DNAH14: variants seen among roughly 807,000 people sequenced by gnomAD.
The protein encoded by DNAH14 is dynein axonemal heavy chain 14.
In DNAH14, 478 loss-of-function variants were observed where a neutral mutation model predicts 520.9. The observed-to-expected ratio is 0.92, with a 90% CI of 0.85 to 0.99. DNAH14 has a LOEUF of 0.99. DNAH14 is among the 50% of genes least tolerant of loss of function. DNAH14 has a pLI of 0.00. For synonymous variants in DNAH14, 1,581 were observed against 1,757.2 expected, an observed-to-expected ratio of 0.90 and a Z score of 2.51; for missense variants, 4,831 against 5,234.5, an observed-to-expected ratio of 0.92 and a Z score of 2.38.
intron 11 of DNAH14, among the ~76,000 whole-genome samples, chr1:225,035,158 A>G (rs2066859585): frequency 1.3e-5 from 2 of 151,942 alleles, no homozygotes. Flanking sequence ...GTATGTGTCT[A>G]GCAATTGATC....
chr1:224,974,892 T>G (rs1198818706), intron 8 of DNAH14, among the ~76,000 whole-genome samples: 5 of 152,196 alleles, frequency 3.3e-5, no homozygotes, highest in African/African-American at 4.8e-5. Context: ...TATTTTGAGA[T>G]ACGTCCTATC....
At chr1:225,133,301 C>A (rs553084402) in intron 27 of DNAH14, among the ~76,000 whole-genome samples, 2 of 152,072 alleles carry the variant, frequency 1.3e-5, no homozygotes, top group African/African-American at 4.8e-5. Context: ...AGTCTTTGCC[C>A]ATGCCTATAT....
intron 31 of DNAH14, among the ~76,000 whole-genome samples, chr1:225,149,592 G>T (rs1182696679): frequency 1.3e-5 from 2 of 151,762 alleles, no homozygotes; most frequent in African/African-American, 4.8e-5. Context: ...TTTTCCATTT[G>T]ATCAGTGTTT....
chr1:225,038,615 G>A, intron 11 of DNAH14, 79 bp from the exon 12 acceptor site: 1 of 1,383,912 alleles, frequency 7.2e-7, no homozygotes, highest in Non-Finnish European at 9.6e-7. Context: ...GCTTTTTGTT[G>A]TTGAGTTGTA....
At chr1:225,360,538 C>T (rs999137229) in intron 74 of DNAH14, 143 bp from the exon 75 acceptor site, 1 of 780,244 alleles carries the variant, frequency 1.3e-6, no homozygotes, top group East Asian at 2.7e-5. Flanking sequence ...AATTTAAACT[C>T]TGGGCTCTAA....
At chr1:225,104,247 G>A (rs1325086135) in intron 23 of DNAH14, among the ~76,000 whole-genome samples, 1 of 152,156 alleles carries the variant, frequency 6.6e-6, no homozygotes, top group Non-Finnish European at 1.5e-5. Flanking sequence ...ACTTGATCAT[G>A]GTGGAGAAGC....
At chr1:225,041,206 G>A (rs2067452744) in intron 12 of DNAH14, among the ~76,000 whole-genome samples, 1 of 152,128 alleles carries the variant, frequency 6.6e-6, no homozygotes, top group South Asian at 2.1e-4. Context: ...TCTGACCTTG[G>A]TTTGCTCCTC....
intron 41 of DNAH14, among the ~76,000 whole-genome samples, chr1:225,212,814 T>A (rs1480815121): frequency 6.6e-6 from 1 of 152,230 alleles, no homozygotes; most frequent in Non-Finnish European, 1.5e-5. Flanking sequence ...ATCAGCCCTT[T>A]GTCAGAAGGG....
At position 225,381,439 on chromosome 1, in the gene DNAH14, C is replaced by T. The variant is rs374542052; in HGVS notation, c.12937C>T (p.Arg4313Ter). 2.5e-5 allele frequency: 38 copies of T among 1,550,544 alleles called. No individual in the cohort carries two copies. The highest frequency in any genetic ancestry group is 1.1e-4 in the South Asian group (9 of 83,560). The change falls in exon 81 of 86, where the codon CGA (arginine) becomes TGA (stop). Residue 4313 changes from arginine to a stop codon, truncating the protein, a stop_gained. Coordinates refer to ENST00000682510, the MANE Select transcript of DNAH14 (RefSeq NM_001367479.1). LOFTEE classifies it high-confidence loss of function. ...AACCTTTTTGAAGCAAGAAATTAAACGATTTGATAAGTTATTATTTGTCAT... is the reference window on the plus strand; with the variant it reads ...AACCTTTTTGAAGCAAGAAATTAAATGATTTGATAAGTTATTATTTGTCAT... ...LLTFLKQEIK[R>*]FDKLLFVIHK...
chr1:225,172,624 A>C (rs758335167), intron 36 of DNAH14, among the ~76,000 whole-genome samples: 1 of 152,236 alleles, frequency 6.6e-6, no homozygotes, highest in Admixed American at 6.5e-5. Context: ...GGATACAAAC[A>C]AATGGAAGAA....
intron 79 of DNAH14, among the ~76,000 whole-genome samples, chr1:225,379,112 G>C (rs888804835): frequency 2.0e-5 from 3 of 152,066 alleles, no homozygotes; most frequent in African/African-American, 7.2e-5. Context: ...CTGGACACGC[G>C]CTCCTCCTGT....
At chr1:225,122,568 T>G (rs894654157) in intron 26 of DNAH14, among the ~76,000 whole-genome samples, 3 of 152,164 alleles carry the variant, frequency 2.0e-5, no homozygotes, top group Non-Finnish European at 2.9e-5. Context: ...GTTTGAGAGA[T>G]GTATAGCAAT....
chr1:225,374,910 C>T, intron 78 of DNAH14, 25 bp downstream of exon 78: 4 of 1,497,004 alleles, frequency 2.7e-6, no homozygotes, highest in Non-Finnish European at 3.6e-6. Flanking sequence ...AATCTTCTTG[C>T]ATTTCTCGAT....
chr1:225,331,211 C>T (rs2094790615), intron 64 of DNAH14, among the ~76,000 whole-genome samples: 5 of 151,564 alleles, frequency 3.3e-5, no homozygotes, highest in African/African-American at 9.7e-5. Context: ...AAAAAAAAAG[C>T]CTATTAAAGA....
rs184985250 is a variant in DNAH14, at chr1:225,121,748, G to T, written c.4167-1779G>T. On this transcript the variant is annotated intron_variant, in intron 26 of 85. Transcript: ENST00000682510. The stretch of plus-strand genomic sequence containing the variant: ...CCCAGCTACTTGGGAGGCTGAGGCA[G>T]GAGAATCCCTTGAACCCGGGAGGCG... 4.4e-3 allele frequency among the ~76,000 whole-genome samples: 676 copies of T among 152,208 alleles called. 2 individuals are homozygous for T. The highest frequency in any genetic ancestry group is 6.8e-3 in the Non-Finnish European group (464 of 68,008).
intron 37 of DNAH14, among the ~76,000 whole-genome samples, chr1:225,188,252 G>A (rs1450256983): frequency 6.6e-6 from 1 of 151,814 alleles, no homozygotes; most frequent in Non-Finnish European, 1.5e-5. Flanking sequence ...CAATTCATAA[G>A]CTTTAAACAC....
At position 225,346,645 on chromosome 1, in the gene DNAH14, A is replaced by C; in HGVS notation, c.11287A>C (p.Arg3763=). The C allele has an allele frequency of 6.5e-7, 1 of 1,542,482 alleles. No homozygotes were observed. The highest frequency in any genetic ancestry group is 8.8e-7 in the Non-Finnish European group (1 of 1,142,676). ...TATTAAAAGTGCATTATCCCAGTCT[A>C]GACTTACTAGTAAGTAAAAGTTACT... is the stretch of plus-strand genomic sequence containing the variant. The part of the protein sequence containing the change: ...INIKSALSQS[R]LTSTFEIGES... Residue 3763 remains arginine, a synonymous_variant, in exon 71 of 86, where the codon AGA becomes CGA. Coordinates refer to ENST00000682510, the MANE Select transcript of DNAH14 (RefSeq NM_001367479.1).
chr1:225,131,212 T>C (rs1194271955), intron 27 of DNAH14, among the ~76,000 whole-genome samples: 1 of 152,186 alleles, frequency 6.6e-6, no homozygotes, highest in Non-Finnish European at 1.5e-5. Flanking sequence ...CTACTGCTGT[T>C]ATTAAAAAGT....
At chr1:225,003,763 A>G (rs1013396826) in intron 9 of DNAH14, among the ~76,000 whole-genome samples, 3 of 152,118 alleles carry the variant, frequency 2.0e-5, no homozygotes, top group Non-Finnish European at 4.4e-5. Flanking sequence ...AAAGGATTAA[A>G]TTCACCTTAA....
Sources: gnomAD v4.1 joint callset for allele counts (sites outside exome capture counted in the v4.1 genomes callset) on GRCh38, gnomAD v4.1.1 for gene constraint, MANE v1.5 for transcripts, NCBI Gene and HGNC (gene_info 2026-07-23, HGNC 2026-07-21) for gene names.